Variants in TSNARE1 observed in about 807,000 individuals in gnomAD.
The protein encoded by TSNARE1 is t-SNARE domain-containing protein 1.
Under a neutral mutation model 62.0 loss-of-function variants are expected in TSNARE1, and 49 were observed. The ratio of observed to expected loss-of-function variants is 0.79; its 90% CI spans 0.63 to 1.00. The LOEUF is 1.00. Among genes scored for constraint, TSNARE1 ranks in the 50% least tolerant of loss-of-function variants. TSNARE1 has a pLI of 0.00. For missense variants in TSNARE1, 755 were observed against 700.1 expected, an observed-to-expected ratio of 1.08 and a Z score of -0.88; for synonymous variants, 328 against 294.4, an observed-to-expected ratio of 1.11 and a Z score of -1.17.
At chr8:142,223,129 T>TTCACTCACTCACTCATTCAC (rs147521506) in intron 13 of TSNARE1, among the ~76,000 whole-genome samples, 1 of 63,514 alleles carries the variant, frequency 1.6e-5, no homozygotes, top group African/African-American at 5.3e-5. Context: ...CATTCACTCA[T>TTCACTCACTCACTCATTCAC]TCACTCATTC....
intron 1 of TSNARE1, among the ~76,000 whole-genome samples, chr8:142,395,897 G>C (rs551751895): frequency 2.0e-5 from 3 of 152,320 alleles, no homozygotes; most frequent in African/African-American, 7.2e-5. Flanking sequence ...CTGGGCTCTG[G>C]TTTAAAAACA....
At chr8:142,381,626 G>A (rs780871974) in intron 1 of TSNARE1, among the ~76,000 whole-genome samples, 1 of 152,216 alleles carries the variant, frequency 6.6e-6, no homozygotes, top group African/African-American at 2.4e-5. Context: ...AGTGAGGCAG[G>A]AGAAGGGCAG....
intron 13 of TSNARE1, among the ~76,000 whole-genome samples, chr8:142,214,339 A>G (rs1319520832): frequency 6.6e-6 from 1 of 152,168 alleles, no homozygotes; most frequent in Non-Finnish European, 1.5e-5. Flanking sequence ...GCCTTGGCAC[A>G]TCCAGAATCC....
intron 12 of TSNARE1, among the ~76,000 whole-genome samples, chr8:142,257,931 C>A (rs557424567): frequency 1.3e-5 from 2 of 152,240 alleles, no homozygotes; most frequent in South Asian, 4.1e-4. Flanking sequence ...AGCACGCATA[C>A]GCACACAACA....
At chr8:142,355,527 G>A (rs896504534) in intron 1 of TSNARE1, among the ~76,000 whole-genome samples, 3 of 152,168 alleles carry the variant, frequency 2.0e-5, no homozygotes, top group Non-Finnish European at 2.9e-5. Context: ...CTCTCCTCCC[G>A]TGGGCTGCAG....
intron 6 of TSNARE1, 141 bp downstream of exon 6, chr8:142,330,760 G>T: frequency 1.3e-6 from 1 of 773,182 alleles, no homozygotes; most frequent in Non-Finnish European, 2.2e-6. Flanking sequence ...GTGTGCATAT[G>T]TGCGCACATG....
chr8:142,225,020 C>T (rs62512621), intron 13 of TSNARE1, among the ~76,000 whole-genome samples: 2,083 of 152,232 alleles, frequency 0.014, 25 homozygotes, highest in Non-Finnish European at 0.021. Flanking sequence ...CCAAGGGAGG[C>T]GTGGCTGCAG....
intron 7 of TSNARE1, among the ~76,000 whole-genome samples, chr8:142,316,003 G>A (rs1041105747): frequency 3.9e-5 from 6 of 152,328 alleles, no homozygotes; most frequent in Non-Finnish European, 7.4e-5. Context: ...CTGCCTGCAC[G>A]GACCACCCAA....
Position 142,260,345 on chromosome 8 carries a change from G to A in TSNARE1, c.1446+14436C>T, listed in dbSNP as rs911849540. Among the ~76,000 whole-genome samples the A allele has an allele frequency of 2.6e-5, 4 of 152,280 alleles. No individual in the cohort carries two copies. In the East Asian group the frequency reaches 5.8e-4, roughly 22 times the overall value. On this transcript the variant is annotated intron_variant, in intron 12 of 13. Coordinates refer to ENST00000524325, the MANE Select transcript of TSNARE1 (RefSeq NM_145003.5). ...GAGAAGGGAAGGAGGGAAGAAAAGC[G>A]AGTCGGGAAGTTGAGGGCCAGATGA... is the stretch of plus-strand genomic sequence containing the variant.
At chr8:142,287,092 C>T (rs1388270291) in intron 10 of TSNARE1, among the ~76,000 whole-genome samples, 3 of 152,242 alleles carry the variant, frequency 2.0e-5, no homozygotes, top group East Asian at 1.9e-4. Flanking sequence ...CCACCATCAA[C>T]GCGGGGTGGC....
At chr8:142,342,601 T>C (rs1832731563) in intron 4 of TSNARE1, among the ~76,000 whole-genome samples, 2 of 152,200 alleles carry the variant, frequency 1.3e-5, no homozygotes, top group Admixed American at 1.3e-4. Flanking sequence ...CGCCCTCCTC[T>C]TCCAGATCTC....
At chr8:142,373,021 C>T (rs989504984) in intron 1 of TSNARE1, among the ~76,000 whole-genome samples, 3 of 152,228 alleles carry the variant, frequency 2.0e-5, no homozygotes, top group African/African-American at 7.2e-5. Context: ...TCTGTCCCTC[C>T]ATCCTACCCC....
At chr8:142,393,384 G>C (rs1301412622) in intron 1 of TSNARE1, among the ~76,000 whole-genome samples, 1 of 152,232 alleles carries the variant, frequency 6.6e-6, no homozygotes, top group Non-Finnish European at 1.5e-5. Flanking sequence ...CCGACACAGG[G>C]CTCCTCTGAG....
intron 11 of TSNARE1, among the ~76,000 whole-genome samples, chr8:142,282,468 GCCA>G (rs2130827385): frequency 6.6e-6 from 1 of 152,102 alleles, no homozygotes; most frequent in Non-Finnish European, 1.5e-5. Flanking sequence ...CAAAGGGGAG[GCCA>G]CTGTCTGTCA....
At chr8:142,290,850 C>T (rs1486957392) in intron 10 of TSNARE1, among the ~76,000 whole-genome samples, 1 of 152,306 alleles carries the variant, frequency 6.6e-6, no homozygotes, top group Middle Eastern at 3.4e-3. Context: ...GAGCAGGTGG[C>T]GTATTCTGAG....
chr8:142,342,199 C>A (rs1322918865), intron 4 of TSNARE1, among the ~76,000 whole-genome samples: 1 of 152,366 alleles, frequency 6.6e-6, no homozygotes, highest in African/African-American at 2.4e-5. Flanking sequence ...TGAAACAGTC[C>A]CGAGGAAGTT....
chr8:142,275,758 A>G (rs1423338915), intron 11 of TSNARE1: 3 of 985,178 alleles, frequency 3.0e-6, no homozygotes, highest in Non-Finnish European at 2.4e-6. Flanking sequence ...AGTGCCTACC[A>G]GGGCACAGAC....
At chr8:142,383,978 G>A (rs1415985450) in intron 1 of TSNARE1, among the ~76,000 whole-genome samples, 1 of 152,222 alleles carries the variant, frequency 6.6e-6, no homozygotes, top group South Asian at 2.1e-4. Context: ...CCACACAGGA[G>A]GGAGTGAAGC....
At chr8:142,362,736 C>T (rs1049118580) in intron 1 of TSNARE1, among the ~76,000 whole-genome samples, 1 of 152,224 alleles carries the variant, frequency 6.6e-6, no homozygotes, top group Non-Finnish European at 1.5e-5. Context: ...GGGACATTCA[C>T]ACCACAGCAC....
Sources: allele counts gnomAD v4.1 joint callset (sites outside exome capture counted in the v4.1 genomes callset), GRCh38; gene constraint gnomAD v4.1.1; transcripts MANE v1.5; gene names NCBI Gene and HGNC (gene_info 2026-07-23, HGNC 2026-07-21).